Variants in CTNNA3 observed in about 807,000 individuals in gnomAD.
The protein encoded by CTNNA3 is catenin alpha-3.
Under a neutral mutation model 95.7 loss-of-function variants are expected in CTNNA3, and 76 were observed. The observed-to-expected ratio is 0.79, with a 90% CI of 0.66 to 0.96. CTNNA3 has a LOEUF of 0.96. Ranked by LOEUF, CTNNA3 falls within the 40% of genes least tolerant of loss-of-function variation. The pLI, the probability that CTNNA3 is intolerant of heterozygous loss-of-function variation, is 0.00. For synonymous variants in CTNNA3, 431 were observed against 374.4 expected (o/e 1.15, Z -1.74); for missense variants, 1,191 against 1,089.8 (o/e 1.09, Z -1.31).
At chr10:66,951,088 TAC>T (rs3056558) in intron 7 of CTNNA3, among the ~76,000 whole-genome samples, 26,940 of 145,772 alleles carry the variant, frequency 0.18, 2,566 homozygotes, top group African/African-American at 0.23. Context: ...TAACATTAAA[TAC>T]ACACACACAC....
intron 7 of CTNNA3, among the ~76,000 whole-genome samples, chr10:67,100,474 T>A (rs1207338493): frequency 1.3e-5 from 2 of 151,788 alleles, no homozygotes; most frequent in Non-Finnish European, 2.9e-5. Flanking sequence ...GGAATCTTTA[T>A]CACATATTTC....
intron 7 of CTNNA3, among the ~76,000 whole-genome samples, chr10:66,792,371 T>C (rs1198617163): frequency 1.3e-5 from 2 of 152,172 alleles, no homozygotes; most frequent in Non-Finnish European, 2.9e-5. Context: ...GTATTATTTC[T>C]CAAATCTTAA....
At chr10:66,160,681 T>C (rs565760790) in intron 13 of CTNNA3, among the ~76,000 whole-genome samples, 85 of 152,260 alleles carry the variant, frequency 5.6e-4, no homozygotes, top group African/African-American at 1.8e-3. Context: ...ATGTTCTATA[T>C]ATATCTGTTA....
intron 9 of CTNNA3, among the ~76,000 whole-genome samples, chr10:66,685,321 G>GTATATATATATATATATA (rs1564617397): frequency 9.1e-5 from 2 of 21,976 alleles, no homozygotes. Flanking sequence ...GTGTGTGTAT[G>GTATATATATATATATATA]TGTGTATATA....
intron 11 of CTNNA3, among the ~76,000 whole-genome samples, chr10:66,437,627 C>T (rs138546797): frequency 2.6e-3 from 391 of 152,198 alleles, no homozygotes; most frequent in African/African-American, 9.0e-3. Context: ...TTCTTAGCTT[C>T]CTTGCATTTG....
intron 17 of CTNNA3, among the ~76,000 whole-genome samples, chr10:65,945,879 G>A (rs1195336610): frequency 2.0e-5 from 3 of 152,088 alleles, no homozygotes; most frequent in South Asian, 2.1e-4. Flanking sequence ...TACTCTTACC[G>A]TAATACTCAC....
intron 3 of CTNNA3, among the ~76,000 whole-genome samples, chr10:67,563,518 A>T (rs1003052748): frequency 6.6e-6 from 1 of 152,216 alleles, no homozygotes; most frequent in Non-Finnish European, 1.5e-5. Context: ...TTTAAATGTC[A>T]GACCTAAAAC....
chr10:66,434,456 G>A (rs764487191), intron 11 of CTNNA3, among the ~76,000 whole-genome samples: 1 of 152,058 alleles, frequency 6.6e-6, no homozygotes, highest in Non-Finnish European at 1.5e-5. Flanking sequence ...GTCTATTATA[G>A]GTGTATAGGA....
At chr10:66,930,492 A>T (rs914364331) in intron 7 of CTNNA3, among the ~76,000 whole-genome samples, 2 of 152,182 alleles carry the variant, frequency 1.3e-5, no homozygotes, top group African/African-American at 4.8e-5. Context: ...TTTTATCTGT[A>T]CTAAAGATGT....
chr10:66,572,264 T>A (rs1030654135), intron 10 of CTNNA3, among the ~76,000 whole-genome samples: 2 of 151,284 alleles, frequency 1.3e-5, no homozygotes, highest in Non-Finnish European at 2.9e-5. Context: ...GTGCCTGTAA[T>A]CCCATCTACT....
At chr10:66,772,041 G>A (rs950175886) in intron 8 of CTNNA3, among the ~76,000 whole-genome samples, 7 of 4,086 alleles carry the variant, frequency 1.7e-3, no homozygotes, top group Non-Finnish European at 1.1e-3. Context: ...GCATCAAGCT[G>A]TACAAGTCAT....
intron 2 of CTNNA3, among the ~76,000 whole-genome samples, chr10:67,633,938 T>C (rs1490351770): frequency 6.6e-6 from 1 of 152,128 alleles, no homozygotes; most frequent in Non-Finnish European, 1.5e-5. Context: ...TTCCCCAACC[T>C]AGCAAAACAG....
At chr10:66,889,906 T>C (rs1845198608) in intron 7 of CTNNA3, among the ~76,000 whole-genome samples, 2 of 151,508 alleles carry the variant, frequency 1.3e-5, no homozygotes, top group South Asian at 4.2e-4. Flanking sequence ...TTCTCCTGCC[T>C]CAGCCTCCCA....
At chr10:67,144,812 C>T (rs1450457612) in intron 7 of CTNNA3, among the ~76,000 whole-genome samples, 2 of 152,142 alleles carry the variant, frequency 1.3e-5, no homozygotes, top group Admixed American at 6.6e-5. Flanking sequence ...ACTGGAATAG[C>T]ACTTTTAATT....
chr10:67,024,988 G>A (rs1853264242), intron 7 of CTNNA3, among the ~76,000 whole-genome samples: 1 of 151,942 alleles, frequency 6.6e-6, no homozygotes, highest in South Asian at 2.1e-4. Context: ...AAATTAGCCA[G>A]GTGTGGTGGC....
chr10:67,723,136 G>A (rs548223741), intron 1 of CTNNA3, among the ~76,000 whole-genome samples: 7 of 151,732 alleles, frequency 4.6e-5, no homozygotes, highest in African/African-American at 1.5e-4. Context: ...ACAGACACGC[G>A]CCACCACACC....
At chr10:67,298,364 G>A (rs938292500) in intron 5 of CTNNA3, among the ~76,000 whole-genome samples, 1 of 152,186 alleles carries the variant, frequency 6.6e-6, no homozygotes, top group Non-Finnish European at 1.5e-5. Flanking sequence ...TGGGGTTCAA[G>A]GTTCAGGTTT....
intron 1 of CTNNA3, among the ~76,000 whole-genome samples, chr10:67,653,145 G>A (rs1425342390): frequency 6.6e-6 from 1 of 152,200 alleles, no homozygotes; most frequent in Non-Finnish European, 1.5e-5. Context: ...GCAAGGTGGG[G>A]AGCAAGCATC....
chr10:67,654,502 T>TC (rs974843292), intron 1 of CTNNA3, among the ~76,000 whole-genome samples: 2 of 151,814 alleles, frequency 1.3e-5, no homozygotes, highest in African/African-American at 4.8e-5. Flanking sequence ...TTTTTTTTTT[T>TC]TGGAGGCAGG....
Sources: gnomAD v4.1 joint callset for allele counts (sites outside exome capture counted in the v4.1 genomes callset) on GRCh38, gnomAD v4.1.1 for gene constraint, MANE v1.5 for transcripts, NCBI Gene and HGNC (gene_info 2026-07-23, HGNC 2026-07-21) for gene names.